Variants in YBX3 observed in about 807,000 individuals in gnomAD.
YBX3 encodes the protein Y-box binding protein 3.
YBX3 carries 29 observed loss-of-function variants against 42.4 expected under a neutral mutation model. That is an observed-to-expected ratio of 0.68 (90% confidence interval 0.51 to 0.93). The LOEUF is 0.93. Among genes scored for constraint, YBX3 ranks in the 40% least tolerant of loss-of-function variants. The pLI is 0.00. For missense variants in YBX3, 517 were observed against 527.5 expected (o/e 0.98, Z 0.19); for synonymous variants, 195 against 189.8 (o/e 1.03, Z -0.22).
chr12:10,715,385 A>C (rs1284131512), intron 4 of YBX3, among the ~76,000 whole-genome samples: 7 of 151,966 alleles, frequency 4.6e-5, no homozygotes, highest in African/African-American at 1.4e-4. Flanking sequence ...GTCTCTACTA[A>C]AAATACAAAA....
chr12:10,708,858 C>T (rs1222831495), intron 6 of YBX3, among the ~76,000 whole-genome samples: 1 of 152,174 alleles, frequency 6.6e-6, no homozygotes, highest in Non-Finnish European at 1.5e-5. Context: ...ATAAGCCAAA[C>T]ACTAAGGAGG....
chr12:10,707,824 G>C (rs748812983), intron 6 of YBX3, among the ~76,000 whole-genome samples: 3 of 151,994 alleles, frequency 2.0e-5, no homozygotes, highest in African/African-American at 7.3e-5. Flanking sequence ...AAGTAAGCTC[G>C]GCCATTTCTT....
In YBX3 at chr12:10,701,350, T is replaced by C. The variant is rs1452549950; in HGVS notation, c.1057A>G (p.Lys353Glu). The change falls in exon 9 of 10, where the codon AAG becomes GAG. Residue 353 changes from lysine to glutamate, a missense_variant. Physicochemically the swap from Lys to Glu is moderately conservative, Grantham distance 56. This residue lies in a region of YBX3 where 420 missense variants were observed against 408.5 expected (regional missense o/e 1.03). Transcript: ENST00000228251. ...NAPSQDGKEA[K>E]AGEAPTENPA... ...TTCTCAGTTGGTGCTTCACCTGCCTTGGCCTAAAATGCAAAACAAAGCCAT... is the reference window on the plus strand; with the variant it reads ...TTCTCAGTTGGTGCTTCACCTGCCTCGGCCTAAAATGCAAAACAAAGCCAT... 1.3e-6 allele frequency: 1 copy of C among 780,998 alleles called. No individual in the cohort carries two copies. Among genetic ancestry groups the C allele is most frequent in the Admixed American group, 1.7e-5 (1 of 59,032 alleles). The allele number at this position is 780,998 out of a possible 1,614,324, so 48.4% of individuals were successfully genotyped here.
intron 4 of YBX3, among the ~76,000 whole-genome samples, chr12:10,714,914 G>C (rs916744817): frequency 2.6e-5 from 4 of 151,862 alleles, no homozygotes; most frequent in Non-Finnish European, 4.4e-5. Flanking sequence ...ACCACACTCA[G>C]ATATTTTTGT....
At chr12:10,704,302 G>A (rs1948114303) in intron 6 of YBX3, 154 bp from the exon 7 acceptor site, 1 of 562,490 alleles carries the variant, frequency 1.8e-6, no homozygotes, top group Non-Finnish European at 3.1e-6. Context: ...CTATTTATGA[G>A]TAAATCTTCG....
At chr12:10,710,457 G>T in intron 5 of YBX3, 1 of 1,217,300 alleles carries the variant, frequency 8.2e-7, no homozygotes, top group South Asian at 1.6e-5. Context: ...TCAAATGCGT[G>T]TCTCCCAGCA....
chr12:10,704,929 C>CAA (rs891510262), intron 6 of YBX3, among the ~76,000 whole-genome samples: 1 of 152,166 alleles, frequency 6.6e-6, no homozygotes, highest in Non-Finnish European at 1.5e-5. Context: ...CCATCCTTTT[C>CAA]AATTTTTTAA....
At chr12:10,717,337 C>T (rs747337861) in intron 3 of YBX3, among the ~76,000 whole-genome samples, 29 of 152,140 alleles carry the variant, frequency 1.9e-4, no homozygotes, top group Non-Finnish European at 4.1e-4. Context: ...ACTCTGAGAA[C>T]GCATATTTCA....
intron 5 of YBX3, chr12:10,712,103 G>C (rs1393820442): frequency 6.6e-6 from 1 of 152,168 alleles, no homozygotes; most frequent in Non-Finnish European, 1.5e-5. Context: ...AGAATAAGGA[G>C]GAAAAGCATT....
chr12:10,703,774 T>C, intron 7 of YBX3: 1 of 355,266 alleles, frequency 2.8e-6, no homozygotes, highest in Admixed American at 4.3e-5. Context: ...TGCCCACCAA[T>C]AATTTATCTG....
chr12:10,708,515 T>C (rs74734541), intron 6 of YBX3, among the ~76,000 whole-genome samples: 9,990 of 152,298 alleles, frequency 0.066, 411 homozygotes, highest in East Asian at 0.13. Flanking sequence ...TTTGATGCTC[T>C]TGACTGGCTT....
Position 10,718,078 on chromosome 12 carries a change from T to A in YBX3, c.360+10A>T. On this transcript the variant is annotated intron_variant, in intron 3 of 9. Transcript: ENST00000228251. ...CACATAGCAAATGTAGTATTTATAA[T>A]CCCTCTTACCTGATGTACAAATACA... The A allele has an allele frequency of 6.2e-7, 1 of 1,606,894 alleles. No individual in the cohort carries two copies. Among genetic ancestry groups the A allele is most frequent in the Non-Finnish European group, 8.5e-7 (1 of 1,176,430 alleles).
chr12:10,710,001 G>A lies in YBX3; in HGVS notation c.687C>T (p.Arg229=), dbSNP rs1390377216. The change falls in exon 6 of 10, where the codon CGC becomes CGT. Residue 229 remains arginine (R), a synonymous_variant. Coordinates refer to ENST00000228251, the MANE Select transcript of YBX3 (RefSeq NM_003651.5). ...ARNQLRRPQY[R]PQYRQRRFPP... ...GGAACCGCCGCTGCCGGTACTGAGG[G>A]CGATACTGGGGGCGGCGCAGCTGAT... 6.2e-7 allele frequency: 1 copy of A among 1,612,222 alleles called. No individual in the cohort carries two copies. Among genetic ancestry groups the A allele is most frequent in the Non-Finnish European group, 8.5e-7 (1 of 1,178,286 alleles).
intron 5 of YBX3, 189 bp from the exon 6 acceptor site, chr12:10,710,303 A>C (rs929311568): frequency 6.8e-7 from 1 of 1,470,136 alleles, no homozygotes; most frequent in Admixed American, 2.4e-5. Context: ...TTAAGATTAG[A>C]GTAGATCTGT....
chr12:10,716,076 T>C (rs1948258884), intron 3 of YBX3: 8 of 351,370 alleles, frequency 2.3e-5, no homozygotes, highest in South Asian at 2.0e-4. Flanking sequence ...TACAGGCTGA[T>C]CACCTGATCA....
At chr12:10,713,123 C>G (rs1257264270) in intron 5 of YBX3, 88 bp downstream of exon 5, 1 of 1,375,880 alleles carries the variant, frequency 7.3e-7, no homozygotes, top group Non-Finnish European at 9.6e-7. Context: ...CAGGAGAAGA[C>G]AAGGCATTTA....
At chr12:10,700,611 T>C (rs929978430) in intron 9 of YBX3, among the ~76,000 whole-genome samples, 1 of 152,222 alleles carries the variant, frequency 6.6e-6, no homozygotes, top group South Asian at 2.1e-4. Flanking sequence ...GGTTATTCTT[T>C]ACCATACCCT....
Position 10,712,994 on chromosome 12 carries a change from AT to A in YBX3, c.573+216del, listed in dbSNP as rs1948216600. The A allele has an allele frequency of 5.4e-6, 3 of 553,180 alleles. No individual in the cohort carries two copies. In the South Asian group the frequency reaches 9.1e-5, roughly 17 times the overall value. The allele number at this position is 553,180 out of a possible 1,614,324, so 34.3% of individuals were successfully genotyped here. On this transcript the variant is annotated intron_variant, in intron 5 of 9. Coordinates refer to ENST00000228251, the MANE Select transcript of YBX3 (RefSeq NM_003651.5). ...GAAATCACCACTAAAGAACTTATTC[AT>A]GTAACTAATCACCACCGGTTTCCCA... is the stretch of plus-strand genomic sequence containing the variant.
At chr12:10,705,551 A>G (rs1948127946) in intron 6 of YBX3, among the ~76,000 whole-genome samples, 1 of 152,242 alleles carries the variant, frequency 6.6e-6, no homozygotes, top group Non-Finnish European at 1.5e-5. Context: ...GCATCCTGTC[A>G]GGTGGCATAT....
Sources: gnomAD v4.1 joint callset for allele counts (sites outside exome capture counted in the v4.1 genomes callset) on GRCh38, gnomAD v4.1.1 for gene constraint, gnomAD v4.1.1 regional missense constraint, MANE v1.5 for transcripts, NCBI Gene and HGNC (gene_info 2026-07-23, HGNC 2026-07-21) for gene names.